XPNPEP1: variants seen among roughly 807,000 people sequenced by gnomAD.
XPNPEP1 encodes xaa-Pro aminopeptidase 1.
XPNPEP1 carries 39 observed loss-of-function variants against 92.4 expected under a neutral mutation model. The observed-to-expected ratio is 0.42, with a 90% CI of 0.33 to 0.55. XPNPEP1 has a LOEUF of 0.55. Among genes scored for constraint, XPNPEP1 ranks in the 20% least tolerant of loss-of-function variants. The pLI, the probability that XPNPEP1 is intolerant of heterozygous loss-of-function variation, is 0.08. For synonymous variants in XPNPEP1, 307 were observed against 299.4 expected, an observed-to-expected ratio of 1.03 and a Z score of -0.26; for missense variants, 654 against 856.1, an observed-to-expected ratio of 0.76 and a Z score of 2.95.
chr10:109,908,599 T>C (rs1849684376), intron 2 of XPNPEP1, among the ~76,000 whole-genome samples: 1 of 152,054 alleles, frequency 6.6e-6, no homozygotes, highest in African/African-American at 2.4e-5. Flanking sequence ...AGACTCCGTC[T>C]CAAAAAACAA....
chr10:109,903,906 G>A (rs1003672994), intron 3 of XPNPEP1, among the ~76,000 whole-genome samples: 11 of 149,908 alleles, frequency 7.3e-5, no homozygotes, highest in African/African-American at 2.7e-4. Context: ...GTGCAGTGGC[G>A]CAATCTCAGC....
Position 109,865,188 on chromosome 10 carries a change from T to C in XPNPEP1, c.1997A>G (p.His666Arg). ...ACAAAACCGGGGAGGTATTTATTAA[T>C]GCTGTTTGGAGATGGGTTGCGTCTC... ...IRETQPISKQ[H>R] Residue 666 changes from histidine (H) to arginine (R), a missense_variant, in exon 21 of 21, where the codon CAT becomes CGT. His to Arg is a conservative substitution (Grantham distance 29). Transcript: ENST00000502935. The C allele has an allele frequency of 1.2e-6, 2 of 1,614,188 alleles. No homozygotes were observed. The highest frequency in any genetic ancestry group is 1.7e-6 in the Non-Finnish European group (2 of 1,180,024).
chr10:109,911,225 CA>C (rs1250257981), intron 2 of XPNPEP1, among the ~76,000 whole-genome samples: 34 of 152,352 alleles, frequency 2.2e-4, no homozygotes, highest in African/African-American at 7.5e-4. Flanking sequence ...ACTCATAACT[CA>C]AGCATATCCA....
At chr10:109,905,229 G>A (rs1181398509) in intron 3 of XPNPEP1, among the ~76,000 whole-genome samples, 4 of 151,716 alleles carry the variant, frequency 2.6e-5, no homozygotes, top group African/African-American at 4.8e-5. Flanking sequence ...TTTTTGAGAC[G>A]GAATCTCGCT....
At chr10:109,884,250 G>C in intron 8 of XPNPEP1, 102 bp from the exon 9 acceptor site, 1 of 1,135,394 alleles carries the variant, frequency 8.8e-7, no homozygotes, top group South Asian at 1.4e-5. Context: ...CAGCTGCTGC[G>C]CAAGGATTCA....
chr10:109,923,304 T>C (rs1850662706), intron 1 of XPNPEP1, 98 bp downstream of exon 1: 2 of 1,263,918 alleles, frequency 1.6e-6, no homozygotes, highest in South Asian at 2.4e-5. Context: ...GCCGGGCTCC[T>C]CACCCGCGCG....
At chr10:109,912,718 T>C (rs963786302) in intron 2 of XPNPEP1, among the ~76,000 whole-genome samples, 3 of 152,246 alleles carry the variant, frequency 2.0e-5, no homozygotes, top group Non-Finnish European at 2.9e-5. Context: ...AAATGTTTAA[T>C]GTTATTAGAG....
At chr10:109,865,390 C>A in intron 20 of XPNPEP1, 78 bp from the exon 21 acceptor site, 1 of 1,570,666 alleles carries the variant, frequency 6.4e-7, no homozygotes, top group South Asian at 1.1e-5. Flanking sequence ...ACAGCAAAGG[C>A]CCCCATGTGC....
chr10:109,884,025 G>A, intron 9 of XPNPEP1, 42 bp downstream of exon 9: 1 of 1,591,556 alleles, frequency 6.3e-7, no homozygotes. Context: ...AGGGCTCTGA[G>A]GAGCTCTGGA....
In XPNPEP1 at chr10:109,870,020, T is replaced by C; in HGVS notation, c.1706A>G (p.Tyr569Cys). Reference protein sequence around the residue: ...AGMIVTDEPGYYEDGAFGIRI... With the variant: ...AGMIVTDEPGCYEDGAFGIRI... ...AATTCCAAAAGCCCCATCTTCATAG[T>C]ACCCGGGCTCTAAAACAAACCAAAT... is the stretch of plus-strand genomic sequence containing the variant. Residue 569 changes from tyrosine to cysteine, a missense_variant, in exon 19 of 21, where the codon TAC becomes TGC. Transcript: ENST00000502935. The C allele has an allele frequency of 6.2e-7, 1 of 1,614,106 alleles. No homozygotes were observed. Among genetic ancestry groups the C allele is most frequent in the African/African-American group, 1.3e-5 (1 of 75,046 alleles).
chr10:109,901,023 G>C (rs184210895), intron 3 of XPNPEP1, among the ~76,000 whole-genome samples: 69 of 152,104 alleles, frequency 4.5e-4, no homozygotes, highest in African/African-American at 1.6e-3. Flanking sequence ...GCAAAGACTT[G>C]GAACCAACCC....
At chr10:109,868,822 C>A (rs992774415) in intron 19 of XPNPEP1, 110 bp from the exon 20 acceptor site, 15 of 1,002,812 alleles carry the variant, frequency 1.5e-5, no homozygotes, top group Admixed American at 2.1e-5. Context: ...TAACTGGGAG[C>A]CAAGAAGTGG....
chr10:109,886,866 C>T (rs374347364), intron 7 of XPNPEP1, among the ~76,000 whole-genome samples: 1 of 152,194 alleles, frequency 6.6e-6, no homozygotes, highest in Non-Finnish European at 1.5e-5. Context: ...GCAAGACTTG[C>T]CTTTCAGTGC....
intron 16 of XPNPEP1, among the ~76,000 whole-genome samples, chr10:109,872,952 T>G (rs865779400): frequency 1.3e-5 from 2 of 151,984 alleles, no homozygotes; most frequent in African/African-American, 4.8e-5. Context: ...CTTAATAGAG[T>G]CTGTCATTTC....
At chr10:109,866,702 T>C (rs750315476) in intron 20 of XPNPEP1, among the ~76,000 whole-genome samples, 6 of 152,160 alleles carry the variant, frequency 3.9e-5, no homozygotes, top group Non-Finnish European at 5.9e-5. Context: ...GTGATGACGA[T>C]GCAGACCCAA....
intron 2 of XPNPEP1, among the ~76,000 whole-genome samples, chr10:109,908,698 T>C (rs1296074407): frequency 6.6e-6 from 1 of 152,244 alleles, no homozygotes; most frequent in Non-Finnish European, 1.5e-5. Context: ...GAGAAGTTTC[T>C]AGAAGGACAG....
chr10:109,916,252 C>T (rs1479182597), intron 1 of XPNPEP1, among the ~76,000 whole-genome samples: 1 of 152,136 alleles, frequency 6.6e-6, no homozygotes, highest in Non-Finnish European at 1.5e-5. Flanking sequence ...AGGAAGCAAG[C>T]CATGTGAACG....
intron 2 of XPNPEP1, among the ~76,000 whole-genome samples, chr10:109,908,120 C>T (rs1849657668): frequency 6.6e-6 from 1 of 152,122 alleles, no homozygotes; most frequent in South Asian, 2.1e-4. Context: ...GATAAGTACA[C>T]AGAAATTTAG....
chr10:109,885,747 C>T (rs1189570055), intron 8 of XPNPEP1, among the ~76,000 whole-genome samples: 2 of 152,186 alleles, frequency 1.3e-5, no homozygotes, highest in Admixed American at 6.5e-5. Context: ...TGAACAACTG[C>T]ATGAAGGTGG....
Sources: gnomAD v4.1 joint callset for allele counts (sites outside exome capture counted in the v4.1 genomes callset) on GRCh38, gnomAD v4.1.1 for gene constraint, MANE v1.5 for transcripts, NCBI Gene and HGNC (gene_info 2026-07-23, HGNC 2026-07-21) for gene names.